Variants in SPECC1 observed in about 807,000 individuals in gnomAD.
The protein encoded by SPECC1 is cytospin-B.
Under a neutral mutation model 104.1 loss-of-function variants are expected in SPECC1, and 62 were observed. The observed-to-expected ratio is 0.60, with a 90% CI of 0.49 to 0.74. The LOEUF (loss-of-function observed/expected upper bound fraction) is 0.74. Among genes scored for constraint, SPECC1 ranks in the 30% least tolerant of loss-of-function variants. The pLI, the probability that SPECC1 is intolerant of heterozygous loss-of-function variation, is 0.00. For synonymous variants in SPECC1, 513 were observed against 501.6 expected (o/e 1.02, Z -0.30); for missense variants, 1,306 against 1,310.5 (o/e 1.00, Z 0.05).
intron 8 of SPECC1, 101 bp from the exon 9 acceptor site, chr17:20,247,118 A>G (rs2039453379): frequency 3.8e-6 from 3 of 792,082 alleles, no homozygotes; most frequent in Non-Finnish European, 6.1e-6. Flanking sequence ...AAACACGGAT[A>G]CTCCTTAAGC....
At chr17:20,269,777 C>G (rs1202061355) in intron 12 of SPECC1, among the ~76,000 whole-genome samples, 1 of 152,210 alleles carries the variant, frequency 6.6e-6, no homozygotes, top group Non-Finnish European at 1.5e-5. Context: ...CTGGTTTCCT[C>G]GGGACTTCCT....
chr17:20,240,522 A>T (rs1467261570), intron 7 of SPECC1, among the ~76,000 whole-genome samples: 1 of 151,982 alleles, frequency 6.6e-6, no homozygotes, highest in Non-Finnish European at 1.5e-5. Context: ...GTGCTATTAA[A>T]TGTCTTCATC....
At chr17:20,166,629 A>G (rs2033670964) in intron 3 of SPECC1, among the ~76,000 whole-genome samples, 1 of 152,218 alleles carries the variant, frequency 6.6e-6, no homozygotes, top group Admixed American at 6.5e-5. Flanking sequence ...CACAAAGGAC[A>G]TTCAAAAGAA....
At chr17:20,145,189 C>A (rs1036481543) in intron 3 of SPECC1, among the ~76,000 whole-genome samples, 10 of 152,154 alleles carry the variant, frequency 6.6e-5, no homozygotes, top group African/African-American at 2.4e-5. Context: ...TGGCAACAGG[C>A]CTGCATTAAA....
In SPECC1 at chr17:20,315,452, A is replaced by G. The variant is rs1037807183; in HGVS notation, c.*1387A>G. The G allele has an allele frequency of 2.1e-4, 48 of 232,716 alleles. No individual in the cohort carries two copies. Among genetic ancestry groups the G allele is most frequent in the African/African-American group, 1.0e-3 (47 of 45,316 alleles). 14.4% of individuals were successfully genotyped at this position (232,716 alleles called of 1,614,324 possible). ...TTCTGGGCGGATCTGTGTGCACTAC[A>G]CAGCGAGTGAGGGCGTGGCTCACAC... On this transcript the variant is annotated 3_prime_UTR_variant, in exon 15 of 15. Coordinates refer to ENST00000395527, the MANE Select transcript of SPECC1 (RefSeq NM_001243439.2).
rs974050959 is a variant in SPECC1 at position 20,315,824 on chromosome 17, C to T, written c.*1759C>T. ...GAACTCCGCCCCCCTGTTAGTGCAT[C>T]CCAGCTGCAGCTCTGCATCAGAACC... On this transcript the variant is annotated 3_prime_UTR_variant, in exon 15 of 15. Transcript: ENST00000395527. 6 of 232,816 alleles carry T rather than the reference C, an allele frequency of 2.6e-5. No individual in the cohort carries two copies. Among genetic ancestry groups the T allele is most frequent in the African/African-American group, 1.1e-4 (5 of 45,344 alleles). 14.4% of individuals were successfully genotyped at this position (232,816 alleles called of 1,614,324 possible). A position where few individuals can be genotyped will look rare whatever the true frequency, so the allele number is the denominator to read the frequency against.
chr17:20,197,144 C>T (rs186828156), intron 3 of SPECC1, among the ~76,000 whole-genome samples: 25 of 152,250 alleles, frequency 1.6e-4, no homozygotes, highest in Non-Finnish European at 8.8e-5. Flanking sequence ...AAGGTGGAGC[C>T]GTTGGAAGAA....
At chr17:20,237,972 C>A in intron 7 of SPECC1, 1 of 938,636 alleles carries the variant, frequency 1.1e-6, no homozygotes, top group Non-Finnish European at 1.3e-6. Flanking sequence ...GAACTCCTGA[C>A]CTCAAGTGAT....
chr17:20,292,220 G>A (rs1257710293), intron 12 of SPECC1, among the ~76,000 whole-genome samples: 2 of 152,012 alleles, frequency 1.3e-5, no homozygotes, highest in Non-Finnish European at 2.9e-5. Context: ...CCCTCTGTTA[G>A]AGGCCCTCCT....
intron 7 of SPECC1, 89 bp from the exon 8 acceptor site, chr17:20,245,837 C>T: frequency 7.0e-7 from 1 of 1,425,592 alleles, no homozygotes; most frequent in Non-Finnish European, 9.6e-7. Flanking sequence ...CATTTATTTT[C>T]TCCACATCAG....
intron 3 of SPECC1, chr17:20,126,421 A>G (rs2049309302): frequency 6.6e-6 from 1 of 152,172 alleles, no homozygotes; most frequent in Admixed American, 6.5e-5. Flanking sequence ...TTTGAATGTC[A>G]TCCTTACACA....
At chr17:20,140,131 A>C (rs1346782854) in intron 3 of SPECC1, among the ~76,000 whole-genome samples, 4 of 152,214 alleles carry the variant, frequency 2.6e-5, no homozygotes, top group African/African-American at 9.7e-5. Context: ...CAATTGAAAA[A>C]GTTGGCTAAA....
intron 12 of SPECC1, among the ~76,000 whole-genome samples, chr17:20,280,195 G>A (rs759950109): frequency 1.3e-5 from 2 of 152,200 alleles, no homozygotes; most frequent in South Asian, 2.1e-4. Flanking sequence ...TGCATGTGTC[G>A]TCAGAGAACA....
chr17:20,055,916 A>G (rs1017031150), intron 1 of SPECC1, among the ~76,000 whole-genome samples: 4 of 152,220 alleles, frequency 2.6e-5, no homozygotes, highest in African/African-American at 9.6e-5. Context: ...CACCTTGGGA[A>G]GTGCTATGTG....
chr17:20,237,232 T>C (rs1466273751), intron 7 of SPECC1: 7 of 1,236,774 alleles, frequency 5.7e-6, no homozygotes, highest in Middle Eastern at 3.3e-4. Flanking sequence ...AAGGGCACAG[T>C]GGCAGAGCAG....
At chr17:20,229,201 G>A (rs1165398785) in intron 5 of SPECC1, among the ~76,000 whole-genome samples, 2 of 152,066 alleles carry the variant, frequency 1.3e-5, no homozygotes, top group African/African-American at 4.8e-5. Flanking sequence ...TTGTGCTTTT[G>A]TTTTTGGTGA....
chr17:20,134,868 A>G (rs1183895609), intron 3 of SPECC1, among the ~76,000 whole-genome samples: 1 of 152,242 alleles, frequency 6.6e-6, no homozygotes, highest in Non-Finnish European at 1.5e-5. Context: ...AAAGAATTGT[A>G]GGATCCCACC....
chr17:20,067,316 TG>T (rs1268280561), intron 1 of SPECC1: 1 of 152,158 alleles, frequency 6.6e-6, no homozygotes, highest in Non-Finnish European at 1.5e-5. Flanking sequence ...AGCTGATTTT[TG>T]TATTTAGTAG....
Position 20,278,397 on chromosome 17 carries a change from G to A in SPECC1, c.2940+18103G>A, listed in dbSNP as rs529089140. 3.9e-5 allele frequency among the ~76,000 whole-genome samples: 6 copies of A among 152,310 alleles called. No individual in the cohort carries two copies. In the South Asian group the frequency reaches 1.2e-3, roughly 32 times the overall value. On this transcript the variant is annotated intron_variant, in intron 12 of 14. Transcript: ENST00000395527. Reference sequence around the variant, plus strand: ...GAGGCCAGCGCCCTTGGATGTGGTGGCCGGGGGCTGAGAGGTGGAACTGGG... The same window carrying A: ...GAGGCCAGCGCCCTTGGATGTGGTGACCGGGGGCTGAGAGGTGGAACTGGG...
Sources: allele counts gnomAD v4.1 joint callset (sites outside exome capture counted in the v4.1 genomes callset), GRCh38; gene constraint gnomAD v4.1.1; transcripts MANE v1.5; gene names NCBI Gene and HGNC (gene_info 2026-07-23, HGNC 2026-07-21).